Variants in ATG7 observed in about 807,000 individuals in gnomAD.
The protein encoded by ATG7 is autophagy related 7.
Under a neutral mutation model 82.4 loss-of-function variants are expected in ATG7, and 70 were observed. That is an observed-to-expected ratio of 0.85 (90% CI 0.70 to 1.04). The LOEUF is 1.04. Among genes scored for constraint, ATG7 ranks in the 50% least tolerant of loss-of-function variants. The probability of loss-of-function intolerance (pLI) is 0.00; values close to 1 mark genes in which losing one functional copy is unlikely to be tolerated. For missense variants in ATG7, 792 were observed against 864.3 expected (o/e 0.92, Z 1.05); for synonymous variants, 287 against 313.0 (o/e 0.92, Z 0.88).
chr3:11,525,324 C>G (rs1170236563), intron 20 of ATG7, among the ~76,000 whole-genome samples: 1 of 151,422 alleles, frequency 6.6e-6, no homozygotes, highest in Non-Finnish European at 1.5e-5. Flanking sequence ...AGCCACTGTA[C>G]CCAGCCAGTG....
At chr3:11,348,152 A>C (rs1954856723) in intron 14 of ATG7, 117 bp downstream of exon 14, 9 of 1,372,454 alleles carry the variant, frequency 6.6e-6, no homozygotes, top group Non-Finnish European at 8.9e-6. Context: ...TCTACCAGCC[A>C]CTCGCTATGT....
chr3:11,471,050 A>T (rs2087448599), intron 20 of ATG7, among the ~76,000 whole-genome samples: 1 of 152,030 alleles, frequency 6.6e-6, no homozygotes, highest in Non-Finnish European at 1.5e-5. Context: ...TTTCTCATTG[A>T]CTAGAGCAGG....
intron 20 of ATG7, among the ~76,000 whole-genome samples, chr3:11,454,457 T>C (rs1481706285): frequency 6.6e-6 from 1 of 152,188 alleles, no homozygotes; most frequent in Non-Finnish European, 1.5e-5. Context: ...GGCAGCCTTC[T>C]AGTGATTGTG....
At chr3:11,445,139 T>C (rs1386649570) in intron 20 of ATG7, among the ~76,000 whole-genome samples, 1 of 152,198 alleles carries the variant, frequency 6.6e-6, no homozygotes, top group Non-Finnish European at 1.5e-5. Context: ...TAGAAAGCAG[T>C]GTGGAGATTC....
chr3:11,431,672 A>C (rs1400211507), intron 20 of ATG7, among the ~76,000 whole-genome samples: 1 of 152,158 alleles, frequency 6.6e-6, no homozygotes, highest in African/African-American at 2.4e-5. Context: ...ATTTAGCACA[A>C]TGTTTTTAAG....
chr3:11,566,365 T>A, the ATG7 span, among the ~76,000 whole-genome samples: 1 of 152,226 alleles, frequency 6.6e-6, no homozygotes, highest in African/African-American at 2.4e-5. Context: ...AAAACTACAG[T>A]ACAATATCAC....
intron 20 of ATG7, among the ~76,000 whole-genome samples, chr3:11,486,468 C>A (rs4684784): frequency 6.6e-6 from 1 of 151,610 alleles, no homozygotes; most frequent in Non-Finnish European, 1.5e-5. Context: ...AGATATACAA[C>A]CATGTCATCT....
At chr3:11,507,229 C>G (rs2091782106) in intron 20 of ATG7, among the ~76,000 whole-genome samples, 1 of 152,164 alleles carries the variant, frequency 6.6e-6, no homozygotes, top group African/African-American at 2.4e-5. Context: ...TTTCAGTGAG[C>G]TAAGATCACA....
At position 11,342,120 on chromosome 3, in the gene ATG7, T is replaced by C; in HGVS notation, c.981-15T>C. 1 of 1,605,052 alleles carries C rather than the reference T, an allele frequency of 6.2e-7. No individual in the cohort carries two copies. Among genetic ancestry groups the C allele is most frequent in the Non-Finnish European group, 8.5e-7 (1 of 1,176,960 alleles). ...ATAAAGGAGTGACTGAATAAGTAAA[T>C]CTCTCCTTTTCTAGGTTAGCTGAGT... On this transcript the variant is annotated splice_polypyrimidine_tract_variant and intron_variant, in intron 12 of 20. Transcript: ENST00000693202.
chr3:11,515,689 CTCTT>C (rs1007094974), intron 20 of ATG7, among the ~76,000 whole-genome samples: 7 of 151,166 alleles, frequency 4.6e-5, no homozygotes, highest in Admixed American at 3.9e-4. Flanking sequence ...GAACTGTTCT[CTCTT>C]TCTCTCTCTC....
intron 19 of ATG7, among the ~76,000 whole-genome samples, chr3:11,405,499 G>A (rs2080241203): frequency 6.6e-6 from 1 of 152,068 alleles, no homozygotes; most frequent in Admixed American, 6.5e-5. Context: ...GATTTTCAGA[G>A]GTTCTTACTC....
At chr3:11,535,119 C>A (rs1015608322) in intron 20 of ATG7, among the ~76,000 whole-genome samples, 2 of 152,240 alleles carry the variant, frequency 1.3e-5, no homozygotes, top group Non-Finnish European at 2.9e-5. Flanking sequence ...TGCTTGGGGG[C>A]CCCCCTTGAG....
intron 3 of ATG7, among the ~76,000 whole-genome samples, chr3:11,285,193 T>G (rs1257097401): frequency 6.9e-6 from 1 of 144,736 alleles, no homozygotes; most frequent in African/African-American, 2.6e-5. Flanking sequence ...TTTAAATTCC[T>G]TCCTGTGACA....
At chr3:11,335,877 T>G (rs1047830879) in intron 11 of ATG7, among the ~76,000 whole-genome samples, 1 of 151,908 alleles carries the variant, frequency 6.6e-6, no homozygotes, top group Admixed American at 6.6e-5. Context: ...TTTTGTATCT[T>G]TAGTAGAGTC....
intron 1 of ATG7, among the ~76,000 whole-genome samples, chr3:11,276,637 T>A (rs1160558327): frequency 6.6e-6 from 1 of 152,150 alleles, no homozygotes; most frequent in Non-Finnish European, 1.5e-5. Flanking sequence ...TTCCTTCTTA[T>A]CTTTCTTGGC....
chr3:11,298,657 T>C lies in ATG7; in HGVS notation c.-10-29T>C, dbSNP rs376850028. On this transcript the variant is annotated intron_variant, in intron 3 of 20. Coordinates refer to ENST00000693202, the MANE Select transcript of ATG7 (RefSeq NM_001349232.2). ...CCAGGTTTTGCATGGATATGTTATTTTGCTGTGTTCTGTTTTGTTTTTTAA... is the reference window on the plus strand; with the variant it reads ...CCAGGTTTTGCATGGATATGTTATTCTGCTGTGTTCTGTTTTGTTTTTTAA... 5.6e-6 allele frequency: 9 copies of C among 1,594,798 alleles called. No individual in the cohort carries two copies. In the African/African-American group the frequency reaches 1.2e-4, roughly 22 times the overall value.
chr3:11,570,665 A>G, the ATG7 span, among the ~76,000 whole-genome samples: 1 of 152,216 alleles, frequency 6.6e-6, no homozygotes, highest in Non-Finnish European at 1.5e-5. Context: ...TTCAGAGAAA[A>G]TGACTGGTGG....
At chr3:11,413,523 A>G (rs2081104285) in intron 19 of ATG7, among the ~76,000 whole-genome samples, 2 of 152,204 alleles carry the variant, frequency 1.3e-5, no homozygotes, top group African/African-American at 4.8e-5. Flanking sequence ...ATGTTGTATA[A>G]TCCTTTTAAT....
chr3:11,442,298 A>G (rs917108367), intron 20 of ATG7, among the ~76,000 whole-genome samples: 1 of 152,184 alleles, frequency 6.6e-6, no homozygotes, highest in Non-Finnish European at 1.5e-5. Flanking sequence ...CCCCATCGCT[A>G]GTTGCATCAC....
Sources: allele counts gnomAD v4.1 joint callset (sites outside exome capture counted in the v4.1 genomes callset), GRCh38; gene constraint gnomAD v4.1.1; transcripts MANE v1.5; gene names NCBI Gene and HGNC (gene_info 2026-07-23, HGNC 2026-07-21).